CFAP61: variants seen among roughly 807,000 people sequenced by gnomAD.
The protein encoded by CFAP61 is cilia- and flagella-associated protein 61.
Under a neutral mutation model 135.6 loss-of-function variants are expected in CFAP61, and 107 were observed. That is an observed-to-expected ratio of 0.79 (90% CI 0.67 to 0.93). The LOEUF (loss-of-function observed/expected upper bound fraction) is 0.93. Among genes scored for constraint, CFAP61 ranks in the 40% least tolerant of loss-of-function variants. CFAP61 has a pLI of 0.00. For synonymous variants in CFAP61, 575 were observed against 578.5 expected (o/e 0.99, Z 0.09); for missense variants, 1,507 against 1,556.2 (o/e 0.97, Z 0.53).
intron 24 of CFAP61, among the ~76,000 whole-genome samples, chr20:20,290,870 T>A (rs7263108): frequency 0.15 from 22,904 of 152,156 alleles, 1,960 homozygotes; most frequent in Middle Eastern, 0.2. Flanking sequence ...CCAGCCAACA[T>A]CTTGACTGAA....
intron 17 of CFAP61, among the ~76,000 whole-genome samples, chr20:20,227,164 G>T (rs1228498878): frequency 6.6e-6 from 1 of 152,170 alleles, no homozygotes; most frequent in Admixed American, 6.5e-5. Flanking sequence ...ACCCAAATAA[G>T]ACTTTACCAT....
chr20:20,295,540 C>A (rs1197990767), intron 24 of CFAP61, among the ~76,000 whole-genome samples: 1 of 152,158 alleles, frequency 6.6e-6, no homozygotes, highest in Non-Finnish European at 1.5e-5. Flanking sequence ...GGGACATGTA[C>A]CCCTGGGTTC....
At chr20:20,279,289 A>C (rs112587337) in intron 22 of CFAP61, among the ~76,000 whole-genome samples, 3 of 152,208 alleles carry the variant, frequency 2.0e-5, no homozygotes, top group African/African-American at 7.2e-5. Context: ...AAACCCACAT[A>C]GAGCTTTTGA....
intron 8 of CFAP61, among the ~76,000 whole-genome samples, chr20:20,133,277 A>C (rs1259184545): frequency 6.6e-6 from 1 of 152,206 alleles, no homozygotes; most frequent in Admixed American, 6.5e-5. Flanking sequence ...TTTGGTGTCA[A>C]CTAGGCAGCT....
At position 20,212,181 on chromosome 20, in the gene CFAP61, C is replaced by T. The variant is rs2047694966; in HGVS notation, c.1932+12279C>T. Among the ~76,000 whole-genome samples, 3 of 152,236 alleles carry T rather than the reference C, an allele frequency of 2.0e-5. 1 individual carries two copies. The highest frequency in any genetic ancestry group is 6.8e-3 in the Middle Eastern group (2 of 294). Reference sequence around the variant, plus strand: ...TGTGACTTCTAACAGCTCAGTACTTCCACCACCCCATTCAAGAGCGGAAGG... The same window carrying T: ...TGTGACTTCTAACAGCTCAGTACTTTCACCACCCCATTCAAGAGCGGAAGG... On this transcript the variant is annotated intron_variant, in intron 17 of 26. Coordinates refer to ENST00000245957, the MANE Select transcript of CFAP61 (RefSeq NM_015585.4).
At chr20:20,354,502 C>CAA (rs112245982) in intron 26 of CFAP61, among the ~76,000 whole-genome samples, 5,117 of 133,800 alleles carry the variant, frequency 0.038, 104 homozygotes, top group Non-Finnish European at 0.046. Flanking sequence ...GACCTTGTCT[C>CAA]AAAAAAAAAA....
intron 25 of CFAP61, among the ~76,000 whole-genome samples, chr20:20,334,657 G>A (rs953771915): frequency 3.9e-5 from 6 of 152,196 alleles, no homozygotes; most frequent in South Asian, 2.1e-4. Context: ...ATTATATTTC[G>A]AGGCTGCTGC....
rs755723209 is a variant in CFAP61 at position 20,288,736 on chromosome 20, G to T, written c.2924G>T (p.Arg975Ile). ...TNFHTNDIAI[R>I]AAGSLTKFSN... ...TTCCACACCAACGACATAGCCATCA[G>T]AGCTGCTGGCTCCCTCACCAAATTC... The change falls in exon 23 of 27, where the codon AGA becomes ATA. Residue 975 changes from arginine (R) to isoleucine (I), a missense_variant. Coordinates refer to ENST00000245957, the MANE Select transcript of CFAP61 (RefSeq NM_015585.4). 1 of 1,614,174 alleles carries T rather than the reference G, an allele frequency of 6.2e-7. No homozygotes were observed. The highest frequency in any genetic ancestry group is 8.5e-7 in the Non-Finnish European group (1 of 1,180,022).
intron 25 of CFAP61, among the ~76,000 whole-genome samples, chr20:20,316,205 T>C (rs2057130143): frequency 6.6e-6 from 1 of 152,162 alleles, no homozygotes; most frequent in Admixed American, 6.5e-5. Context: ...TGTATCCTCA[T>C]TTATTTCCTT....
intron 25 of CFAP61, among the ~76,000 whole-genome samples, chr20:20,331,407 A>T (rs1431741698): frequency 7.0e-6 from 1 of 143,168 alleles, no homozygotes; most frequent in Non-Finnish European, 1.5e-5. Flanking sequence ...GTGGTTTATT[A>T]TTCTCTCTGT....
At chr20:20,155,424 T>G (rs1475332263) in intron 9 of CFAP61, among the ~76,000 whole-genome samples, 1 of 152,030 alleles carries the variant, frequency 6.6e-6, no homozygotes, top group Non-Finnish European at 1.5e-5. Flanking sequence ...AGATGGGACC[T>G]AATTAAACTA....
intron 6 of CFAP61, among the ~76,000 whole-genome samples, chr20:20,076,980 C>T (rs2046096922): frequency 6.6e-6 from 1 of 152,156 alleles, no homozygotes; most frequent in African/African-American, 2.4e-5. Context: ...TAGCACACTT[C>T]CTGCCACATG....
At chr20:20,080,438 T>G (rs2046354689) in intron 6 of CFAP61, among the ~76,000 whole-genome samples, 1 of 152,196 alleles carries the variant, frequency 6.6e-6, no homozygotes, top group Admixed American at 6.5e-5. Flanking sequence ...ATTTAAGTTG[T>G]TTCCTGTAAA....
intron 6 of CFAP61, chr20:20,085,192 A>C: frequency 2.0e-6 from 2 of 985,446 alleles, no homozygotes; most frequent in Non-Finnish European, 2.4e-6. Flanking sequence ...TGCCAAATTC[A>C]CAGTGGCTCT....
intron 26 of CFAP61, among the ~76,000 whole-genome samples, chr20:20,355,131 GAGGTGGTCACATTGTGA>G (rs2059037165): frequency 6.7e-6 from 1 of 149,504 alleles, no homozygotes; most frequent in African/African-American, 2.5e-5. Flanking sequence ...ACTGTGAGGG[GAGGTGGTCACATTGTGA>G]GAGGGAAGGG....
At chr20:20,240,740 G>GTT (rs1274485540) in intron 18 of CFAP61, among the ~76,000 whole-genome samples, 1 of 152,140 alleles carries the variant, frequency 6.6e-6, no homozygotes, top group Admixed American at 6.5e-5. Flanking sequence ...ACATCACTGT[G>GTT]TTTTCTTTGA....
At chr20:20,251,532 A>T in intron 19 of CFAP61, 63 bp from the exon 20 acceptor site, 1 of 1,530,028 alleles carries the variant, frequency 6.5e-7, no homozygotes. Flanking sequence ...AGCTCACCAG[A>T]TGTCTAATTA....
At chr20:20,302,062 A>G (rs995288542) in intron 25 of CFAP61, among the ~76,000 whole-genome samples, 3 of 152,220 alleles carry the variant, frequency 2.0e-5, no homozygotes, top group Non-Finnish European at 2.9e-5. Flanking sequence ...ATGTCTTTCA[A>G]TAAAGGTTTA....
chr20:20,145,586 A>G (rs574294208), intron 9 of CFAP61, among the ~76,000 whole-genome samples: 12 of 152,360 alleles, frequency 7.9e-5, no homozygotes, highest in African/African-American at 2.6e-4. Context: ...TATATAAGGC[A>G]GATATAGAGT....
Sources: allele counts gnomAD v4.1 joint callset (sites outside exome capture counted in the v4.1 genomes callset), GRCh38; gene constraint gnomAD v4.1.1; transcripts MANE v1.5; gene names NCBI Gene and HGNC (gene_info 2026-07-23, HGNC 2026-07-21).